FMN1: variants seen among roughly 807,000 people sequenced by gnomAD.
The protein encoded by FMN1 is formin 1.
In FMN1, 110 loss-of-function variants were observed where a neutral mutation model predicts 132.4. The observed-to-expected ratio is 0.83, with a 90% CI of 0.71 to 0.97. FMN1 has a LOEUF of 0.97. Ranked by LOEUF, FMN1 falls within the 50% of genes least tolerant of loss-of-function variation. FMN1 has a pLI of 0.00. For missense variants in FMN1, 1,792 were observed against 1,705.3 expected (o/e 1.05, Z -0.90); for synonymous variants, 722 against 651.7 (o/e 1.11, Z -1.64).
rs576141057 is a variant in FMN1, at chr15:32,811,295, C to G, written c.3929-6963G>C. The stretch of plus-strand genomic sequence containing the variant: ...AGAAGAGTGATCATTTCTGGTCTGT[C>G]AGAGCAAGTGTCTAAGCTGGATGGT... On this transcript the variant is annotated intron_variant, in intron 17 of 20. Coordinates refer to ENST00000616417, the MANE Select transcript of FMN1 (RefSeq NM_001277313.2). 2.6e-5 allele frequency among the ~76,000 whole-genome samples: 4 copies of G among 152,224 alleles called. No individual in the cohort carries two copies. The South Asian group carries it at 8.3e-4, about 32-fold the overall frequency.
chr15:33,010,805 TAC>T (rs1427665723), intron 6 of FMN1, among the ~76,000 whole-genome samples: 1 of 151,884 alleles, frequency 6.6e-6, no homozygotes, highest in Admixed American at 6.6e-5. Context: ...ACACTTACAG[TAC>T]TTCTAAAAAT....
intron 4 of FMN1, among the ~76,000 whole-genome samples, chr15:33,093,078 CA>C (rs1418984441): frequency 6.6e-6 from 1 of 152,200 alleles, no homozygotes; most frequent in Non-Finnish European, 1.5e-5. Context: ...CAGATCTGGA[CA>C]AAAGTCCCTA....
intron 5 of FMN1, among the ~76,000 whole-genome samples, chr15:33,079,970 C>T (rs2038383647): frequency 6.6e-6 from 1 of 152,182 alleles, no homozygotes; most frequent in Non-Finnish European, 1.5e-5. Flanking sequence ...AAGCAACAGA[C>T]ACATGATCTG....
intron 6 of FMN1, among the ~76,000 whole-genome samples, chr15:33,055,843 A>G (rs1411082935): frequency 6.6e-6 from 1 of 152,198 alleles, no homozygotes; most frequent in Non-Finnish European, 1.5e-5. Flanking sequence ...CTTGCAACAC[A>G]CTTAACCAAA....
At chr15:33,124,481 T>C (rs1163261662) in intron 4 of FMN1, among the ~76,000 whole-genome samples, 1 of 152,080 alleles carries the variant, frequency 6.6e-6, no homozygotes, top group Non-Finnish European at 1.5e-5. Context: ...CCTTCTTAAA[T>C]TACTGCTTGG....
intron 4 of FMN1, among the ~76,000 whole-genome samples, chr15:33,117,692 A>C (rs2039980884): frequency 1.1e-5 from 1 of 88,810 alleles, no homozygotes; most frequent in South Asian, 4.6e-4. Context: ...TGCTTCACCC[A>C]CATTTACTAG....
Position 32,769,447 on chromosome 15 carries a change from T to TG in FMN1, c.*4862dup, listed in dbSNP as rs1181636808. On this transcript the variant is annotated 3_prime_UTR_variant, in exon 21 of 21. Transcript: ENST00000616417. The stretch of plus-strand genomic sequence containing the variant: ...ACAGGTGTGCAGAAATGACACAAAA[T>TG]GGGCTTCCCAGTCACAGACAAGCTG... The TG allele has an allele frequency of 6.6e-6, 1 of 152,216 alleles. No individual in the cohort carries two copies. The highest frequency in any genetic ancestry group is 6.5e-5 in the Admixed American group (1 of 15,278). The allele number at this position is 152,216 out of a possible 1,614,324, so 9.4% of individuals were successfully genotyped here.
rs143080013 is a variant in FMN1, at chr15:32,926,078, A to G, written c.3226+96T>C. On this transcript the variant is annotated intron_variant, in intron 10 of 20. Coordinates refer to ENST00000616417, the MANE Select transcript of FMN1 (RefSeq NM_001277313.2). ...GAGTATTGGGTATATAGGATTCATT[A>G]GGGCATTCTAACTTTGTATGTGTTT... 2,014 of 709,054 alleles carry G rather than the reference A, an allele frequency of 2.8e-3. 26 individuals carry two copies. The highest frequency in any genetic ancestry group is 5.8e-4 in the Non-Finnish European group (241 of 413,542). The allele number at this position is 709,054 out of a possible 1,614,324, so 43.9% of individuals were successfully genotyped here.
intron 17 of FMN1, among the ~76,000 whole-genome samples, chr15:32,817,266 A>C (rs2058085658): frequency 6.6e-6 from 1 of 152,230 alleles, no homozygotes; most frequent in African/African-American, 2.4e-5. Flanking sequence ...CTATCCTTAA[A>C]TCAATCTTCT....
chr15:32,894,915 G>A (rs1228788984), intron 15 of FMN1, among the ~76,000 whole-genome samples: 1 of 151,914 alleles, frequency 6.6e-6, no homozygotes, highest in East Asian at 1.9e-4. Context: ...AACACTGCTT[G>A]TAAATTAAAA....
At chr15:33,134,574 C>T (rs2140235210) in intron 4 of FMN1, among the ~76,000 whole-genome samples, 1 of 152,312 alleles carries the variant, frequency 6.6e-6, no homozygotes, top group African/African-American at 2.4e-5. Flanking sequence ...TTGGGGTAGC[C>T]TCACAACCAA....
intron 7 of FMN1, among the ~76,000 whole-genome samples, chr15:32,985,769 C>A (rs778423648): frequency 2.0e-5 from 3 of 152,096 alleles, no homozygotes; most frequent in Non-Finnish European, 4.4e-5. Flanking sequence ...GTGCCCCTCC[C>A]AACTGACTTA....
intron 4 of FMN1, among the ~76,000 whole-genome samples, chr15:33,127,076 C>T (rs1282932751): frequency 6.6e-6 from 1 of 152,140 alleles, no homozygotes; most frequent in Non-Finnish European, 1.5e-5. Flanking sequence ...GTTTTCCAGG[C>T]ACTGTATCAG....
chr15:32,944,726 G>C (rs2061471836), intron 9 of FMN1, among the ~76,000 whole-genome samples: 1 of 152,028 alleles, frequency 6.6e-6, no homozygotes, highest in Non-Finnish European at 1.5e-5. Flanking sequence ...ATTCCACTCA[G>C]AAGGCTAATG....
At chr15:33,052,081 T>G (rs1049156967) in intron 6 of FMN1, among the ~76,000 whole-genome samples, 5 of 152,192 alleles carry the variant, frequency 3.3e-5, no homozygotes, top group African/African-American at 1.2e-4. Context: ...ACACTATCAC[T>G]AATTAGCAAA....
intron 16 of FMN1, among the ~76,000 whole-genome samples, chr15:32,887,611 G>A (rs1402348043): frequency 6.6e-6 from 1 of 152,198 alleles, no homozygotes; most frequent in Admixed American, 6.5e-5. Flanking sequence ...GAACATGTGT[G>A]TATGTGTACG....
At chr15:32,871,851 T>C (rs908273484) in intron 16 of FMN1, among the ~76,000 whole-genome samples, 9 of 152,298 alleles carry the variant, frequency 5.9e-5, no homozygotes, top group African/African-American at 1.9e-4. Context: ...GTCACTGTCA[T>C]GTAGGGACTA....
At chr15:33,012,663 G>C (rs1371810713) in intron 6 of FMN1, 2 of 852,446 alleles carry the variant, frequency 2.3e-6, no homozygotes, top group Non-Finnish European at 4.0e-6. Flanking sequence ...CCCTGTCAAA[G>C]CAAGAGATGG....
chr15:32,830,786 A>ACT (rs1435808361), intron 17 of FMN1, among the ~76,000 whole-genome samples: 2 of 152,124 alleles, frequency 1.3e-5, no homozygotes, highest in Non-Finnish European at 2.9e-5. Context: ...CATCATGTGA[A>ACT]CTCACATATG....
Sources: gnomAD v4.1 joint callset for allele counts (sites outside exome capture counted in the v4.1 genomes callset) on GRCh38, gnomAD v4.1.1 for gene constraint, MANE v1.5 for transcripts, NCBI Gene and HGNC (gene_info 2026-07-23, HGNC 2026-07-21) for gene names.